PLXND1: variants seen among roughly 807,000 people sequenced by gnomAD.
PLXND1 encodes plexin D1, also known as plexin-D1.
PLXND1 carries 54 observed loss-of-function variants against 197.7 expected under a neutral mutation model. The observed-to-expected ratio is 0.27, with a 90% confidence interval of 0.22 to 0.34. The LOEUF (loss-of-function observed/expected upper bound fraction) is 0.34, where lower values mean the gene tolerates loss of function less well. Ranked by LOEUF, PLXND1 falls within the 10% of genes least tolerant of loss-of-function variation. The pLI is 1.00. For missense variants in PLXND1, 2,127 were observed against 2,699.2 expected, an observed-to-expected ratio of 0.79 and a Z score of 4.70; for synonymous variants, 1,180 against 1,161.2, an observed-to-expected ratio of 1.02 and a Z score of -0.33.
In PLXND1 at chr3:129,605,370, G is replaced by A. The variant is rs868772952; in HGVS notation, c.1270C>T (p.Gln424Ter). 6.7e-7 allele frequency: 1 copy of A among 1,498,050 alleles called. No individual in the cohort carries two copies. Among genetic ancestry groups the A allele is most frequent in the Non-Finnish European group, 8.8e-7 (1 of 1,132,064 alleles). The allele number at this position is 1,498,050 out of a possible 1,614,324, so 92.8% of individuals were successfully genotyped here. ...DVVAVLDSVVQGTGPACERKL... is the reference protein window; with the variant it reads ...DVVAVLDSVV ...CGCTCACAGGCCGGTCCCGTGCCCTGCACCACGCTGTCGAGCACCGCCACC... is the reference window on the plus strand; with the variant it reads ...CGCTCACAGGCCGGTCCCGTGCCCTACACCACGCTGTCGAGCACCGCCACC... The change falls in exon 1 of 36, where the codon CAG (glutamine) becomes TAG (stop). Residue 424 changes from glutamine to a stop codon, truncating the protein, a stop_gained. Coordinates refer to ENST00000324093, the MANE Select transcript of PLXND1 (RefSeq NM_015103.3). LOFTEE classifies it high-confidence loss of function.
At chr3:129,596,138 T>G (rs1469539728) in intron 1 of PLXND1, among the ~76,000 whole-genome samples, 2 of 152,104 alleles carry the variant, frequency 1.3e-5, no homozygotes, top group Non-Finnish European at 2.9e-5. Context: ...CCTTCAGTGC[T>G]AAGCACTGTA....
At chr3:129,599,617 G>A (rs1264167979) in intron 1 of PLXND1, among the ~76,000 whole-genome samples, 2 of 152,188 alleles carry the variant, frequency 1.3e-5, no homozygotes, top group Non-Finnish European at 2.9e-5. Context: ...GCTGATGATC[G>A]CATTTTCAGA....
intron 1 of PLXND1, among the ~76,000 whole-genome samples, chr3:129,602,155 C>T (rs979796792): frequency 6.6e-6 from 1 of 152,320 alleles, no homozygotes; most frequent in African/African-American, 2.4e-5. Context: ...CAGGTATTCA[C>T]GAGCATTCCC....
intron 3 of PLXND1, 42 bp from the exon 4 acceptor site, chr3:129,586,314 C>A: frequency 6.9e-7 from 1 of 1,447,664 alleles, no homozygotes; most frequent in South Asian, 1.2e-5. Flanking sequence ...GGACTGCCAG[C>A]CTCTCCCTTG....
chr3:129,595,453 C>T (rs575518719), intron 1 of PLXND1, among the ~76,000 whole-genome samples: 1 of 152,284 alleles, frequency 6.6e-6, no homozygotes, highest in South Asian at 2.1e-4. Flanking sequence ...AAGAGGCTTC[C>T]TGGAGGGGCT....
chr3:129,582,106 C>T (rs1344277686), intron 8 of PLXND1, among the ~76,000 whole-genome samples: 2 of 152,256 alleles, frequency 1.3e-5, no homozygotes, highest in Admixed American at 6.5e-5. Flanking sequence ...GTGCTGGAAG[C>T]CCCCTGCTGC....
At position 129,562,844 on chromosome 3, in the gene PLXND1, C is replaced by T; in HGVS notation, c.4768G>A (p.Ala1590Thr). ...GAGTAGGGCACATTCTTGCAGAAGG[C>T]CTCCAGGATCTTCTCCTTGACCTGT... is the stretch of plus-strand genomic sequence containing the variant. ...LTQVKEKILE[A>T]FCKNVPYSQW... The change falls in exon 27 of 36, where the codon GCC becomes ACC. Residue 1590 changes from alanine to threonine, a missense_variant. Transcript: ENST00000324093. 6.2e-7 allele frequency: 1 copy of T among 1,612,094 alleles called. No individual in the cohort carries two copies. Among genetic ancestry groups the T allele is most frequent in the Non-Finnish European group, 8.5e-7 (1 of 1,178,314 alleles).
chr3:129,603,338 C>T (rs955120111), intron 1 of PLXND1, among the ~76,000 whole-genome samples: 3 of 152,134 alleles, frequency 2.0e-5, no homozygotes, highest in Non-Finnish European at 2.9e-5. Context: ...ACCGAGGGAG[C>T]GGACCGTGGG....
Position 129,583,567 on chromosome 3 carries a change from CGTG to C in PLXND1, c.2238_2240del (p.Thr747del). ...GGAGGGGCCCCCTAGCCTGGCTTACCGTGGGGTTTGGTGAGGCCTCGCACCGAG... is the reference window on the plus strand; with the variant it reads ...GGAGGGGCCCCCTAGCCTGGCTTACCGGGTTTGGTGAGGCCTCGCACCGAG... On this transcript the variant is annotated inframe_deletion and splice_region_variant, in exon 8 of 36. Transcript: ENST00000324093. The C allele has an allele frequency of 6.2e-7, 1 of 1,609,404 alleles. No homozygotes were observed. Among genetic ancestry groups the C allele is most frequent in the Non-Finnish European group, 8.5e-7 (1 of 1,176,694 alleles).
intron 22 of PLXND1, 82 bp from the exon 23 acceptor site, chr3:129,566,713 A>T (rs1325719642): frequency 8.5e-6 from 7 of 827,242 alleles, no homozygotes; most frequent in Non-Finnish European, 1.4e-5. Flanking sequence ...AGAAAGGGGC[A>T]CTGGCTTGGG....
intron 8 of PLXND1, among the ~76,000 whole-genome samples, chr3:129,581,973 G>A (rs2085394036): frequency 6.6e-6 from 1 of 152,260 alleles, no homozygotes; most frequent in Non-Finnish European, 1.5e-5. Flanking sequence ...ACGTGATTGA[G>A]ATGGGGTCCC....
chr3:129,585,042 T>C (rs910124555), intron 5 of PLXND1, among the ~76,000 whole-genome samples: 2 of 152,194 alleles, frequency 1.3e-5, no homozygotes, highest in African/African-American at 4.8e-5. Flanking sequence ...TCAGGTTTTA[T>C]CTTGCCTATT....
intron 20 of PLXND1, among the ~76,000 whole-genome samples, chr3:129,568,991 T>C (rs1304837242): frequency 6.6e-6 from 1 of 152,234 alleles, no homozygotes; most frequent in East Asian, 1.9e-4. Context: ...GCAATCACCA[T>C]TCAGCTTTCT....
intron 1 of PLXND1, among the ~76,000 whole-genome samples, chr3:129,589,832 T>A (rs916001766): frequency 1.4e-5 from 2 of 147,594 alleles, no homozygotes; most frequent in Admixed American, 6.7e-5. Flanking sequence ...CCGGCCAGGG[T>A]GAGAGCTACA....
intron 8 of PLXND1, among the ~76,000 whole-genome samples, chr3:129,579,405 C>T (rs371635105): frequency 5.9e-5 from 9 of 152,266 alleles, no homozygotes; most frequent in African/African-American, 1.7e-4. Flanking sequence ...GGGATCCATG[C>T]TCCACTGTAC....
At chr3:129,584,679 T>C (rs2085435255) in intron 5 of PLXND1, 117 bp from the exon 6 acceptor site, 8 of 980,930 alleles carry the variant, frequency 8.2e-6, no homozygotes, top group Middle Eastern at 2.7e-4. Context: ...GGGGAAGGGG[T>C]AGTGGTGGCC....
intron 15 of PLXND1, 120 bp from the exon 16 acceptor site, chr3:129,571,964 T>C: frequency 1.2e-6 from 1 of 861,126 alleles, no homozygotes; most frequent in South Asian, 1.6e-5. Flanking sequence ...CCTCCTTGAC[T>C]GGTCCCAACT....
At chr3:129,595,541 G>C (rs1453048314) in intron 1 of PLXND1, among the ~76,000 whole-genome samples, 1 of 152,236 alleles carries the variant, frequency 6.6e-6, no homozygotes, top group African/African-American at 2.4e-5. Context: ...AAGCAGCCTG[G>C]AGGAGCACGT....
chr3:129,558,407 C>T lies in PLXND1; in HGVS notation c.5445+21G>A. 6.2e-7 allele frequency: 1 copy of T among 1,611,158 alleles called. No individual in the cohort carries two copies. The highest frequency in any genetic ancestry group is 8.5e-7 in the Non-Finnish European group (1 of 1,178,982). On this transcript the variant is annotated intron_variant, in intron 33 of 35. Transcript: ENST00000324093. The surrounding 1 kb of genome is among the most constrained non-coding windows in gnomAD (Gnocchi z 4.1). Reference sequence around the variant, plus strand: ...CTCTGGCCCTGTGCATGGGCCTGGCCTGGTCCTGGGAACAGCTGACCTTGC... The same window carrying T: ...CTCTGGCCCTGTGCATGGGCCTGGCTTGGTCCTGGGAACAGCTGACCTTGC...
Sources: gnomAD v4.1 joint callset for allele counts (sites outside exome capture counted in the v4.1 genomes callset) on GRCh38, gnomAD v4.1.1 for gene constraint, Gnocchi (gnomAD v3.1) non-coding constraint, MANE v1.5 for transcripts, NCBI Gene and HGNC (gene_info 2026-07-23, HGNC 2026-07-21) for gene names.